MICU1: variants seen among roughly 807,000 people sequenced by gnomAD.
The protein encoded by MICU1 is mitochondrial calcium uptake 1.
MICU1 carries 45 observed loss-of-function variants against 56.8 expected under a neutral mutation model. The ratio of observed to expected loss-of-function variants is 0.79; its 90% confidence interval spans 0.62 to 1.02. MICU1 has a LOEUF of 1.02. Among genes scored for constraint, MICU1 ranks in the 50% least tolerant of loss-of-function variants. The pLI, the probability that MICU1 is intolerant of heterozygous loss-of-function variation, is 0.00. For missense variants in MICU1, 504 were observed against 587.1 expected (o/e 0.86, Z 1.46); for synonymous variants, 186 against 195.1 (o/e 0.95, Z 0.39).
At position 72,532,291 on chromosome 10, in the gene MICU1, C is replaced by G. The variant is rs191489103; in HGVS notation, c.537+1455G>C. Among the ~76,000 whole-genome samples the G allele has an allele frequency of 6.7e-4, 101 of 151,362 alleles. 1 individual carries two copies. The highest frequency in any genetic ancestry group is 2.3e-3 in the African/African-American group (96 of 41,246). On this transcript the variant is annotated intron_variant, in intron 5 of 11. Coordinates refer to ENST00000361114, the MANE Select transcript of MICU1 (RefSeq NM_001195518.2). ...CGAGATTGCTCCACTGCACTCCAGC[C>G]CAGGCGACAGAGCGAGACTCCATCT... is the stretch of plus-strand genomic sequence containing the variant.
chr10:72,481,211 C>T (rs1866283155), intron 6 of MICU1, among the ~76,000 whole-genome samples: 1 of 152,162 alleles, frequency 6.6e-6, no homozygotes, highest in South Asian at 2.1e-4. Context: ...AACAAGCTTG[C>T]TTTAAGTGAA....
Position 72,444,254 on chromosome 10 carries a change from G to A in MICU1, c.934-20883C>T, listed in dbSNP as rs182693176. On this transcript the variant is annotated intron_variant, in intron 8 of 11. Coordinates refer to ENST00000361114, the MANE Select transcript of MICU1 (RefSeq NM_001195518.2). Reference sequence around the variant, plus strand: ...GGGGAAGGGGGGAGGGATAGCACTGGGAGATATACCTAATGCTAGATGACG... The same window carrying A: ...GGGGAAGGGGGGAGGGATAGCACTGAGAGATATACCTAATGCTAGATGACG... 1.3e-3 allele frequency among the ~76,000 whole-genome samples: 194 copies of A among 152,032 alleles called. 3 individuals carry two copies. The highest frequency in any genetic ancestry group is 0.012 in the Admixed American group (184 of 15,240).
At chr10:72,388,697 G>A (rs1017592789) in intron 10 of MICU1, among the ~76,000 whole-genome samples, 11 of 152,100 alleles carry the variant, frequency 7.2e-5, no homozygotes, top group Admixed American at 4.6e-4. Flanking sequence ...AAAAGCAACT[G>A]GGAAAAAAAA....
At chr10:72,565,189 C>T (rs1368006577) in intron 2 of MICU1, among the ~76,000 whole-genome samples, 3 of 151,496 alleles carry the variant, frequency 2.0e-5, no homozygotes, top group African/African-American at 7.3e-5. Context: ...CACACGCACA[C>T]GTATGTTTAT....
chr10:72,562,841 A>C (rs1840333900), intron 3 of MICU1, 54 bp downstream of exon 3: 1 of 1,370,930 alleles, frequency 7.3e-7, no homozygotes, highest in Non-Finnish European at 9.7e-7. Flanking sequence ...ATTGAACTGC[A>C]TTATTCTACT....
At chr10:72,459,973 C>A (rs1865595646) in intron 8 of MICU1, among the ~76,000 whole-genome samples, 1 of 152,218 alleles carries the variant, frequency 6.6e-6, no homozygotes, top group Non-Finnish European at 1.5e-5. Context: ...TCTCCCCTTT[C>A]CTAAGACTAC....
intron 1 of MICU1, among the ~76,000 whole-genome samples, chr10:72,573,872 C>A (rs1840677229): frequency 6.6e-6 from 1 of 152,124 alleles, no homozygotes; most frequent in Non-Finnish European, 1.5e-5. Flanking sequence ...GCAAGCTTCC[C>A]TAGTGAGATA....
intron 10 of MICU1, among the ~76,000 whole-genome samples, chr10:72,405,576 CAAAAAAA>C (rs60182582): frequency 7.7e-6 from 1 of 129,636 alleles, no homozygotes; most frequent in South Asian, 2.4e-4. Flanking sequence ...AAAGACATTA[CAAAAAAA>C]AAAAAAATTA....
At chr10:72,508,860 A>T (rs1323465073) in intron 5 of MICU1, among the ~76,000 whole-genome samples, 1 of 152,190 alleles carries the variant, frequency 6.6e-6, no homozygotes, top group African/African-American at 2.4e-5. Flanking sequence ...AGTCGTACAC[A>T]CTTTCGGCAA....
intron 6 of MICU1, among the ~76,000 whole-genome samples, chr10:72,495,577 C>T (rs759550522): frequency 1.3e-4 from 20 of 149,466 alleles, no homozygotes; most frequent in Non-Finnish European, 2.8e-4. Flanking sequence ...ATCACTTGAA[C>T]CTGGGAGGCA....
At chr10:72,399,132 G>A (rs765087474) in intron 10 of MICU1, among the ~76,000 whole-genome samples, 1 of 152,168 alleles carries the variant, frequency 6.6e-6, no homozygotes, top group Non-Finnish European at 1.5e-5. Context: ...TGCAAGGCTG[G>A]TTCAACATAC....
intron 6 of MICU1, among the ~76,000 whole-genome samples, chr10:72,505,823 G>C (rs200187266): frequency 6.6e-6 from 1 of 152,100 alleles, no homozygotes; most frequent in East Asian, 1.9e-4. Context: ...AGGGTAGAGC[G>C]GGAGGGGGAC....
At chr10:72,479,890 TCTTC>T (rs1300492159) in intron 6 of MICU1, among the ~76,000 whole-genome samples, 15 of 152,246 alleles carry the variant, frequency 9.9e-5, no homozygotes, top group African/African-American at 3.4e-4. Flanking sequence ...TCTCTCTTAT[TCTTC>T]CTTATTTTGT....
chr10:72,615,707 G>A (rs1180936228), intron 1 of MICU1, among the ~76,000 whole-genome samples: 1 of 151,952 alleles, frequency 6.6e-6, no homozygotes, highest in Non-Finnish European at 1.5e-5. Flanking sequence ...TTCAGTCTTG[G>A]CCAGGCGCGG....
At chr10:72,491,732 T>C (rs1361182651) in intron 6 of MICU1, among the ~76,000 whole-genome samples, 2 of 152,194 alleles carry the variant, frequency 1.3e-5, no homozygotes, top group South Asian at 2.1e-4. Context: ...GGTACATACA[T>C]ACATTCAAGT....
At chr10:72,473,910 T>C (rs1181569959) in intron 8 of MICU1, among the ~76,000 whole-genome samples, 5 of 152,048 alleles carry the variant, frequency 3.3e-5, no homozygotes, top group Admixed American at 6.6e-5. Flanking sequence ...GTTTTAGTTA[T>C]AGTAGTTAAT....
At chr10:72,499,784 C>T (rs2132323829) in intron 6 of MICU1, among the ~76,000 whole-genome samples, 1 of 152,258 alleles carries the variant, frequency 6.6e-6, no homozygotes, top group South Asian at 2.1e-4. Flanking sequence ...ATCACTCGAC[C>T]TGAAAAACTT....
intron 1 of MICU1, among the ~76,000 whole-genome samples, chr10:72,568,781 C>T (rs868219678): frequency 7.8e-4 from 78 of 100,502 alleles, no homozygotes; most frequent in African/African-American, 2.9e-3. Flanking sequence ...GAGACTGAGT[C>T]TTGCCCTATC....
intron 9 of MICU1, among the ~76,000 whole-genome samples, chr10:72,420,832 T>A (rs935559673): frequency 6.6e-6 from 1 of 151,582 alleles, no homozygotes; most frequent in Non-Finnish European, 1.5e-5. Context: ...CGTGCCACCA[T>A]GCCTGGCTAG....
Sources: allele counts gnomAD v4.1 joint callset (sites outside exome capture counted in the v4.1 genomes callset), GRCh38; gene constraint gnomAD v4.1.1; transcripts MANE v1.5; gene names NCBI Gene and HGNC (gene_info 2026-07-23, HGNC 2026-07-21).